The following PTCHD4 variants were observed in gnomAD, a reference collection of about 807,000 sequenced individuals.
PTCHD4 encodes patched domain containing 4, also known as patched domain-containing protein 4.
Under a neutral mutation model 58.1 loss-of-function variants are expected in PTCHD4, and 33 were observed. The ratio of observed to expected loss-of-function variants is 0.57; its 90% CI spans 0.43 to 0.76. PTCHD4 has a LOEUF of 0.76. Among genes scored for constraint, PTCHD4 ranks in the 30% least tolerant of loss-of-function variants. The probability of loss-of-function intolerance (pLI) is 0.00; values close to 1 mark genes in which losing one functional copy is unlikely to be tolerated. For missense variants in PTCHD4, 1,058 were observed against 1,027.1 expected (o/e 1.03, Z -0.41); for synonymous variants, 478 against 409.6 (o/e 1.17, Z -2.02).
intron 4 of PTCHD4, among the ~76,000 whole-genome samples, chr6:47,928,312 A>G (rs191405679): frequency 4.4e-4 from 67 of 152,336 alleles, no homozygotes; most frequent in Admixed American, 2.9e-3. Flanking sequence ...TACAACTGGC[A>G]CTGACAATTA....
rs3031590 is a variant in PTCHD4, at chr6:48,069,661, TGTGTGCGTGTGC to T, written c.-716_-705del. On this transcript the variant is annotated 5_prime_UTR_variant, in exon 2 of 5. Transcript: ENST00000339488. ...GAGGCATTTGCCAATAGCAGTAGCC[TGTGTGCGTGTGC>T]GTGTGCGTGTGTGTGTATTGAAAGT... Among the ~76,000 whole-genome samples, 1 of 151,830 alleles carries T rather than the reference TGTGTGCGTGTGC, an allele frequency of 6.6e-6. No homozygotes were observed. Among genetic ancestry groups the T allele is most frequent in the Non-Finnish European group, 1.5e-5 (1 of 67,974 alleles).
intron 1 of PTCHD4, among the ~76,000 whole-genome samples, chr6:48,081,271 C>T (rs1765162810): frequency 6.6e-6 from 1 of 152,170 alleles, no homozygotes; most frequent in African/African-American, 2.4e-5. Context: ...GGCAGCATAC[C>T]TCCTGAATTC....
rs143940735 is a variant in PTCHD4, at chr6:48,086,531, T to G, written c.-969-16605A>C. On this transcript the variant is annotated intron_variant, in intron 1 of 4. Coordinates refer to ENST00000339488, the MANE Select transcript of PTCHD4 (RefSeq NM_001384253.1). The stretch of plus-strand genomic sequence containing the variant: ...TCTGTTTTTTTTTCCCTAATATATA[T>G]CAATGAAAAATAGCAGGGCAGAACA... Among the ~76,000 whole-genome samples, 36 of 150,866 alleles carry G rather than the reference T, an allele frequency of 2.4e-4. 2 individuals are homozygous for G. The highest frequency in any genetic ancestry group is 7.8e-4 in the African/African-American group (32 of 41,136).
At chr6:47,908,603 C>T (rs992428204) in intron 4 of PTCHD4, among the ~76,000 whole-genome samples, 1 of 152,166 alleles carries the variant, frequency 6.6e-6, no homozygotes, top group African/African-American at 2.4e-5. Flanking sequence ...CCTCATGCCA[C>T]TCTTTGTCAA....
Position 48,068,292 on chromosome 6 carries a change from C to A in PTCHD4, c.355G>T (p.Asp119Tyr). 6.2e-7 allele frequency: 1 copy of A among 1,610,622 alleles called. No individual in the cohort carries two copies. The highest frequency in any genetic ancestry group is 8.5e-7 in the Non-Finnish European group (1 of 1,177,424). The change falls in exon 3 of 5, where the codon GAC becomes TAC. Residue 119 changes from aspartate (D) to tyrosine (Y), a missense_variant. Asp to Tyr is a radical substitution (Grantham distance 160). Coordinates refer to ENST00000339488, the MANE Select transcript of PTCHD4 (RefSeq NM_001384253.1). The surrounding 1 kb of genome is among the most constrained non-coding windows in gnomAD (Gnocchi z 4.2). ...GRVILLSPTG[D>Y]NILLQAEGIL... ...CCCTCAGCCTGGAGCAAAATATTGTCCCCGGTTGGGGAGAGGAGGATCACC... is the reference window on the plus strand; with the variant it reads ...CCCTCAGCCTGGAGCAAAATATTGTACCCGGTTGGGGAGAGGAGGATCACC...
At chr6:48,108,831 C>T (rs940008669) in intron 1 of PTCHD4, among the ~76,000 whole-genome samples, 2 of 151,152 alleles carry the variant, frequency 1.3e-5, no homozygotes, top group African/African-American at 4.9e-5. Context: ...CAACAGAAAG[C>T]TAAAAGATGA....
At position 47,871,494 on chromosome 6, in the gene PTCHD4, A is replaced by T. The variant is rs11964896; in HGVS notation, c.*6809T>A. ...TACTCTCTTTCTGAGTCAATTTTTG[A>T]GCTCTGGGATATCTGTAGGGAGACA... On this transcript the variant is annotated 3_prime_UTR_variant, in exon 5 of 5. Coordinates refer to ENST00000339488, the MANE Select transcript of PTCHD4 (RefSeq NM_001384253.1). Among the ~76,000 whole-genome samples, 1 of 151,310 alleles carries T rather than the reference A, an allele frequency of 6.6e-6. No individual in the cohort carries two copies. The highest frequency in any genetic ancestry group is 6.6e-5 in the Admixed American group (1 of 15,152).
intron 4 of PTCHD4, among the ~76,000 whole-genome samples, chr6:47,997,594 C>T (rs182239920): frequency 3.9e-5 from 6 of 152,254 alleles, no homozygotes. Context: ...TTATATTAAA[C>T]TCAAACTCAG....
chr6:48,100,990 A>G (rs1461209525), intron 1 of PTCHD4, among the ~76,000 whole-genome samples: 1 of 152,142 alleles, frequency 6.6e-6, no homozygotes, highest in African/African-American at 2.4e-5. Context: ...AAAGTAATCA[A>G]AATAAATATG....
At position 47,872,128 on chromosome 6, in the gene PTCHD4, T is replaced by C. The variant is rs1763728267; in HGVS notation, c.*6175A>G. Among the ~76,000 whole-genome samples, 1 of 151,704 alleles carries C rather than the reference T, an allele frequency of 6.6e-6. No individual in the cohort carries two copies. Among genetic ancestry groups the C allele is most frequent in the East Asian group, 2.0e-4 (1 of 5,120 alleles). ...TGTTTCCGTGTCCAGGGAGAGATTC[T>C]AGTAACCATATTACATTAGATAATT... On this transcript the variant is annotated 3_prime_UTR_variant, in exon 5 of 5. Coordinates refer to ENST00000339488, the MANE Select transcript of PTCHD4 (RefSeq NM_001384253.1).
chr6:47,977,511 A>G (rs555239221), intron 4 of PTCHD4, among the ~76,000 whole-genome samples: 1 of 152,310 alleles, frequency 6.6e-6, no homozygotes, highest in Admixed American at 6.5e-5. Context: ...GTCAACAACC[A>G]CTGAGTGAGC....
intron 4 of PTCHD4, among the ~76,000 whole-genome samples, chr6:47,947,964 T>C (rs541738553): frequency 1.1e-3 from 160 of 152,334 alleles, no homozygotes; most frequent in Non-Finnish European, 1.9e-3. Context: ...ATAATTTATA[T>C]TTCTTTGTTT....
chr6:47,878,949 A>G lies in PTCHD4; in HGVS notation c.1886T>C (p.Leu629Pro). 1 of 1,613,096 alleles carries G rather than the reference A, an allele frequency of 6.2e-7. No homozygotes were observed. Among genetic ancestry groups the G allele is most frequent in the Non-Finnish European group, 8.5e-7 (1 of 1,179,758 alleles). ...GAATCGGATGCTCTTTGAGAGGGATAGGGGCCTCAGCTTTTCCAACACTTC... is the reference window on the plus strand; with the variant it reads ...GAATCGGATGCTCTTTGAGAGGGATGGGGGCCTCAGCTTTTCCAACACTTC... Reference protein sequence around the residue: ...ITEVLEKLRPLSLSKSIRFIV... With the variant: ...ITEVLEKLRPPSLSKSIRFIV... Residue 629 changes from leucine to proline, a missense_variant, in exon 5 of 5, where the codon CTA (leucine) becomes CCA (proline). Leu to Pro is a moderately conservative substitution (Grantham distance 98, BLOSUM62 -3). Transcript: ENST00000339488.
chr6:47,955,167 A>C (rs1182388052), intron 4 of PTCHD4, among the ~76,000 whole-genome samples: 1 of 152,246 alleles, frequency 6.6e-6, no homozygotes, highest in African/African-American at 2.4e-5. Flanking sequence ...CTAAGTTTTG[A>C]GGAAGCTTAT....
At chr6:48,031,542 A>T (rs1423402750) in intron 3 of PTCHD4, among the ~76,000 whole-genome samples, 3 of 152,282 alleles carry the variant, frequency 2.0e-5, no homozygotes, top group East Asian at 1.9e-4. Flanking sequence ...TTATCAGCTT[A>T]CAGACTGTGG....
In PTCHD4 at chr6:47,867,651, T is replaced by C. The variant is rs1415059443; in HGVS notation, c.*10652A>G. On this transcript the variant is annotated 3_prime_UTR_variant, in exon 5 of 5. Transcript: ENST00000339488. Reference sequence around the variant, plus strand: ...CTTCATCCTGGACAACCTGCTTTCCTGCCCTTGTATATTTCACTTTTTCTC... The same window carrying C: ...CTTCATCCTGGACAACCTGCTTTCCCGCCCTTGTATATTTCACTTTTTCTC... Among the ~76,000 whole-genome samples the C allele has an allele frequency of 6.6e-6, 1 of 151,754 alleles. No homozygotes were observed. The highest frequency in any genetic ancestry group is 1.5e-5 in the Non-Finnish European group (1 of 67,820).
rs576749575 is a variant in PTCHD4, at chr6:47,876,303, T to C, written c.*2000A>G. ...GGCAATAATTTTCCCCACTCAAATC[T>C]ATAGATATTGCACTGAAACTGACAC... On this transcript the variant is annotated 3_prime_UTR_variant, in exon 5 of 5. Transcript: ENST00000339488. Among the ~76,000 whole-genome samples, 2 of 152,066 alleles carry C rather than the reference T, an allele frequency of 1.3e-5. No individual in the cohort carries two copies. The highest frequency in any genetic ancestry group is 4.1e-4 in the South Asian group (2 of 4,832).
chr6:47,937,014 G>A lies in PTCHD4; in HGVS notation c.899-57078C>T, dbSNP rs547169676. 4.9e-4 allele frequency among the ~76,000 whole-genome samples: 75 copies of A among 152,318 alleles called. 1 individual carries two copies. The South Asian group carries it at 0.015, about 29-fold the overall frequency. ...GCAAGTCTGCTGTGTTCCAAAAATAGCAAGAAAGCCCATGTGGCTGGGGCA... is the reference window on the plus strand; with the variant it reads ...GCAAGTCTGCTGTGTTCCAAAAATAACAAGAAAGCCCATGTGGCTGGGGCA... On this transcript the variant is annotated intron_variant, in intron 4 of 4. Transcript: ENST00000339488.
In PTCHD4 at chr6:47,862,662, C is replaced by A. The variant is rs979811098; in HGVS notation, c.*15641G>T. 1.3e-5 allele frequency among the ~76,000 whole-genome samples: 2 copies of A among 151,746 alleles called. No individual in the cohort carries two copies. ...TTAATTGAAATTCATGCTGATGAATCATTTTTCCTTAAGTATTCTTTTCTT... is the reference window on the plus strand; with the variant it reads ...TTAATTGAAATTCATGCTGATGAATAATTTTTCCTTAAGTATTCTTTTCTT... On this transcript the variant is annotated 3_prime_UTR_variant, in exon 5 of 5. Coordinates refer to ENST00000339488, the MANE Select transcript of PTCHD4 (RefSeq NM_001384253.1).
Sources: allele counts gnomAD v4.1 joint callset (sites outside exome capture counted in the v4.1 genomes callset), GRCh38; gene constraint gnomAD v4.1.1; non-coding constraint Gnocchi (gnomAD v3.1); transcripts MANE v1.5; gene names NCBI Gene and HGNC (gene_info 2026-07-23, HGNC 2026-07-21).